BZW2: variants seen among roughly 807,000 people sequenced by gnomAD.
BZW2 encodes the protein eIF5-mimic protein 1.
In BZW2, 23 loss-of-function variants were observed where a neutral mutation model predicts 53.2. The observed-to-expected ratio is 0.43, with a 90% CI of 0.31 to 0.61. The LOEUF (loss-of-function observed/expected upper bound fraction) is 0.61, where lower values mean the gene tolerates loss of function less well. BZW2 is among the 20% of genes least tolerant of loss of function. BZW2 has a pLI of 0.09. For synonymous variants in BZW2, 227 were observed against 186.4 expected (o/e 1.22, Z -1.77); for missense variants, 409 against 503.1 (o/e 0.81, Z 1.79).
intron 10 of BZW2, among the ~76,000 whole-genome samples, chr7:16,700,365 A>G (rs1783629537): frequency 6.6e-6 from 1 of 151,996 alleles, no homozygotes; most frequent in Admixed American, 6.6e-5. Flanking sequence ...TTTTACTTTC[A>G]CCTTATTTTG....
intron 3 of BZW2, among the ~76,000 whole-genome samples, chr7:16,679,864 G>C (rs1020792602): frequency 5.9e-5 from 9 of 152,076 alleles, no homozygotes; most frequent in African/African-American, 2.2e-4. Flanking sequence ...AGTAAAATTA[G>C]AAAATAAAAA....
chr7:16,653,806 G>A (rs990778720), intron 1 of BZW2, among the ~76,000 whole-genome samples: 1 of 152,148 alleles, frequency 6.6e-6, no homozygotes, highest in Admixed American at 6.5e-5. Context: ...TCTCCATGGA[G>A]TGGGGCTAGG....
At chr7:16,682,686 A>T in intron 4 of BZW2, 94 bp from the exon 5 acceptor site, 5 of 631,170 alleles carry the variant, frequency 7.9e-6, no homozygotes, top group Non-Finnish European at 1.3e-5. Flanking sequence ...CACTTTTATT[A>T]TTATAGATCT....
At chr7:16,696,309 A>C (rs561838832) in intron 8 of BZW2, among the ~76,000 whole-genome samples, 1 of 152,362 alleles carries the variant, frequency 6.6e-6, no homozygotes, top group African/African-American at 2.4e-5. Context: ...GGTTGAGTAT[A>C]AATTTGCATA....
chr7:16,674,666 G>A, intron 3 of BZW2, 78 bp downstream of exon 3: 1 of 1,186,198 alleles, frequency 8.4e-7, no homozygotes, highest in Non-Finnish European at 1.1e-6. Context: ...ATAAGATAGA[G>A]TCTTTATAAG....
intron 6 of BZW2, chr7:16,687,155 G>A (rs935598637): frequency 5.3e-5 from 8 of 151,918 alleles, no homozygotes; most frequent in South Asian, 4.1e-4. Flanking sequence ...CAAAAATTAC[G>A]TTATTAGGTG....
At chr7:16,674,967 T>A (rs116764823) in intron 3 of BZW2, among the ~76,000 whole-genome samples, 4,749 of 152,304 alleles carry the variant, frequency 0.031, 241 homozygotes, top group African/African-American at 0.11. Context: ...TAATGCCATT[T>A]CATCCATAAA....
intron 1 of BZW2, among the ~76,000 whole-genome samples, chr7:16,651,622 ATTGTGT>A (rs1302855724): frequency 2.6e-5 from 4 of 152,178 alleles, no homozygotes; most frequent in Non-Finnish European, 5.9e-5. Context: ...GAGTGTGAAG[ATTGTGT>A]TTGTGTTAGA....
intron 2 of BZW2, among the ~76,000 whole-genome samples, chr7:16,670,360 G>A (rs946168675): frequency 6.6e-6 from 1 of 152,102 alleles, no homozygotes; most frequent in Non-Finnish European, 1.5e-5. Context: ...TTGATTCTTG[G>A]CATAATCTGG....
At chr7:16,650,608 G>C (rs1378364836) in intron 1 of BZW2, among the ~76,000 whole-genome samples, 3 of 152,056 alleles carry the variant, frequency 2.0e-5, no homozygotes, top group Non-Finnish European at 2.9e-5. Context: ...ATTTTTTATT[G>C]TGTTTTAGAT....
chr7:16,667,312 C>G (rs544658456), intron 2 of BZW2, among the ~76,000 whole-genome samples: 5 of 147,882 alleles, frequency 3.4e-5, no homozygotes, highest in African/African-American at 1.2e-4. Flanking sequence ...AAACGCTGAA[C>G]TGGAACTCAA....
intron 2 of BZW2, among the ~76,000 whole-genome samples, chr7:16,673,736 T>A (rs533892827): frequency 6.6e-6 from 1 of 152,094 alleles, no homozygotes; most frequent in South Asian, 2.1e-4. Flanking sequence ...TCCAGAGTCT[T>A]TTTCCAAAGG....
At chr7:16,702,142 C>G (rs1783686250) in intron 10 of BZW2, among the ~76,000 whole-genome samples, 1 of 152,164 alleles carries the variant, frequency 6.6e-6, no homozygotes, top group Non-Finnish European at 1.5e-5. Context: ...AATGGTTTCT[C>G]AGTTTTAATT....
intron 10 of BZW2, among the ~76,000 whole-genome samples, chr7:16,702,845 C>G (rs1302659575): frequency 6.6e-6 from 1 of 152,066 alleles, no homozygotes; most frequent in East Asian, 1.9e-4. Flanking sequence ...TTTAATAGTG[C>G]ATGAATATAA....
intron 2 of BZW2, 105 bp downstream of exon 2, chr7:16,665,606 C>T (rs1782399891): frequency 3.3e-6 from 5 of 1,520,154 alleles, no homozygotes; most frequent in East Asian, 2.5e-5. Flanking sequence ...ACTGATTCTA[C>T]TCATTTGAGC....
chr7:16,647,208 G>A (rs903849508), intron 1 of BZW2, among the ~76,000 whole-genome samples: 1 of 152,092 alleles, frequency 6.6e-6, no homozygotes, highest in South Asian at 2.1e-4. Context: ...AAGTTTCTTT[G>A]GAAATTAGTG....
rs34694763 is a variant in BZW2, at chr7:16,648,080, CA to C, written c.-8+1793del. Among the ~76,000 whole-genome samples the C allele has an allele frequency of 5.5e-3, 843 of 152,294 alleles. 7 individuals are homozygous for C. The highest frequency in any genetic ancestry group is 0.019 in the African/African-American group (770 of 41,560). ...CATCTACCTAGAAATGCAAATAAAT[CA>C]TGTTCAGTTTACATTTCTAGAAACA... is the stretch of plus-strand genomic sequence containing the variant. On this transcript the variant is annotated intron_variant, in intron 1 of 11. Transcript: ENST00000258761.
chr7:16,677,248 G>A (rs1253777400), intron 3 of BZW2, among the ~76,000 whole-genome samples: 7 of 152,052 alleles, frequency 4.6e-5, no homozygotes, highest in Admixed American at 3.3e-4. Context: ...TGCCTAATTA[G>A]CATTTTAGTG....
At chr7:16,692,960 G>A (rs1045024918) in intron 7 of BZW2, among the ~76,000 whole-genome samples, 7 of 152,212 alleles carry the variant, frequency 4.6e-5, no homozygotes, top group Admixed American at 1.3e-4. Flanking sequence ...AAGGCCTTGG[G>A]GCATGGGATA....
Sources: allele counts gnomAD v4.1 joint callset (sites outside exome capture counted in the v4.1 genomes callset), GRCh38; gene constraint gnomAD v4.1.1; transcripts MANE v1.5; gene names NCBI Gene and HGNC (gene_info 2026-07-23, HGNC 2026-07-21).